Variants in ADGRE1 observed in about 807,000 individuals in gnomAD.
The protein encoded by ADGRE1 is adhesion G protein-coupled receptor E1.
Under a neutral mutation model 102.7 loss-of-function variants are expected in ADGRE1, and 82 were observed. That is an observed-to-expected ratio of 0.80 (90% CI 0.67 to 0.96). The LOEUF (loss-of-function observed/expected upper bound fraction) is 0.96. ADGRE1 is among the 40% of genes least tolerant of loss of function. ADGRE1 has a pLI of 0.00. For missense variants in ADGRE1, 1,032 were observed against 1,085.3 expected, an observed-to-expected ratio of 0.95 and a Z score of 0.69; for synonymous variants, 398 against 399.6, an observed-to-expected ratio of 1.00 and a Z score of 0.05.
intron 11 of ADGRE1, 147 bp downstream of exon 11, chr19:6,913,977 A>C: frequency 2.2e-6 from 2 of 899,844 alleles, no homozygotes; most frequent in Non-Finnish European, 3.3e-6. Context: ...GTCTAATCAT[A>C]TTAACAACAT....
At chr19:6,915,374 AT>A (rs914426908) in intron 11 of ADGRE1, among the ~76,000 whole-genome samples, 4 of 152,128 alleles carry the variant, frequency 2.6e-5, no homozygotes, top group African/African-American at 9.7e-5. Flanking sequence ...TCTGGCTTAT[AT>A]TTTACAAGGA....
At chr19:6,939,197 AT>A (rs1290263866) in intron 20 of ADGRE1, among the ~76,000 whole-genome samples, 4 of 152,216 alleles carry the variant, frequency 2.6e-5, no homozygotes, top group Non-Finnish European at 5.9e-5. Context: ...TGCCCATATC[AT>A]GGATGACATA....
chr19:6,904,183 GTAA>G lies in ADGRE1; in HGVS notation c.949+6_949+8del, dbSNP rs768676604. 6.2e-7 allele frequency: 1 copy of G among 1,613,666 alleles called. No homozygotes were observed. Among genetic ancestry groups the G allele is most frequent in the South Asian group, 1.1e-5 (1 of 91,060 alleles). Reference sequence around the variant, plus strand: ...AAAGATGGCAACTTCAGCTGCCAAAGTAATAATCTCTTTGTATGTCTTGGCAAT... The same window carrying G: ...AAAGATGGCAACTTCAGCTGCCAAAGTAATCTCTTTGTATGTCTTGGCAAT... On this transcript the variant is annotated splice_donor_variant and splice_donor_region_variant and intron_variant, in intron 8 of 20. Transcript: ENST00000312053. LOFTEE classifies it high-confidence loss of function.
At chr19:6,916,087 T>A (rs1974369305) in intron 11 of ADGRE1, among the ~76,000 whole-genome samples, 162 bp from the exon 12 acceptor site, 2 of 152,156 alleles carry the variant, frequency 1.3e-5, no homozygotes, top group Admixed American at 1.3e-4. Context: ...ATGGTCCCCC[T>A]ATCATTCATC....
intron 12 of ADGRE1, among the ~76,000 whole-genome samples, chr19:6,917,668 A>T (rs1015051442): frequency 7.0e-6 from 1 of 142,688 alleles, no homozygotes; most frequent in Non-Finnish European, 1.5e-5. Flanking sequence ...TGAACCTGGG[A>T]GGTGGAGGCT....
intron 15 of ADGRE1, 58 bp from the exon 16 acceptor site, chr19:6,926,308 T>C (rs529538478): frequency 6.3e-7 from 1 of 1,583,124 alleles, no homozygotes; most frequent in South Asian, 1.1e-5. Flanking sequence ...TCTTCCTTTC[T>C]TCCTTTCGAT....
intron 12 of ADGRE1, among the ~76,000 whole-genome samples, chr19:6,918,334 G>A (rs928176860): frequency 3.5e-4 from 53 of 151,364 alleles, no homozygotes; most frequent in African/African-American, 1.1e-3. Flanking sequence ...CCAGCTACTC[G>A]GGAGGCTGAG....
At chr19:6,891,468 T>A (rs1404534151) in intron 2 of ADGRE1, among the ~76,000 whole-genome samples, 1 of 151,962 alleles carries the variant, frequency 6.6e-6, no homozygotes. Context: ...TTTTTTTTTT[T>A]TTTGAGATAG....
intron 10 of ADGRE1, among the ~76,000 whole-genome samples, chr19:6,911,498 T>C (rs1974181431): frequency 6.6e-6 from 1 of 151,602 alleles, no homozygotes; most frequent in South Asian, 2.1e-4. Flanking sequence ...ATTGTTGTTA[T>C]TGTTTTTCTT....
chr19:6,925,942 C>T (rs973957017), intron 15 of ADGRE1, among the ~76,000 whole-genome samples: 1 of 152,078 alleles, frequency 6.6e-6, no homozygotes, highest in African/African-American at 2.4e-5. Flanking sequence ...GAGCGATCTG[C>T]CTGCCTCAGC....
At chr19:6,898,460 C>A in intron 5 of ADGRE1, 2 of 1,592,422 alleles carry the variant, frequency 1.3e-6, no homozygotes, top group Non-Finnish European at 8.6e-7. Context: ...TTCTCCTGTA[C>A]TGGTGATGCC....
intron 11 of ADGRE1, 66 bp from the exon 12 acceptor site, chr19:6,916,183 A>T: frequency 6.4e-7 from 1 of 1,551,572 alleles, no homozygotes; most frequent in Non-Finnish European, 8.7e-7. Flanking sequence ...CTTTTTTTGG[A>T]CAGAAACCAA....
chr19:6,927,875 G>C (rs1195340005), intron 16 of ADGRE1, among the ~76,000 whole-genome samples: 1 of 152,120 alleles, frequency 6.6e-6, no homozygotes, highest in Non-Finnish European at 1.5e-5. Context: ...GTTCTGCATA[G>C]AGGGAAACAG....
intron 20 of ADGRE1, 45 bp from the exon 21 acceptor site, chr19:6,939,979 T>A: frequency 6.2e-7 from 1 of 1,611,204 alleles, no homozygotes; most frequent in Non-Finnish European, 8.5e-7. Flanking sequence ...CACGTTTGTA[T>A]TAATTCTGCT....
chr19:6,933,409 CAG>C (rs1975251284), intron 17 of ADGRE1, among the ~76,000 whole-genome samples: 1 of 130,664 alleles, frequency 7.7e-6, no homozygotes, highest in South Asian at 2.4e-4. Context: ...TTTTTTGAGA[CAG>C]AGTTTCGCTC....
At chr19:6,935,654 A>G (rs1016276934) in intron 18 of ADGRE1, among the ~76,000 whole-genome samples, 2 of 152,304 alleles carry the variant, frequency 1.3e-5, no homozygotes, top group East Asian at 1.9e-4. Flanking sequence ...TGTATAAACA[A>G]TACTGCCTTG....
intron 9 of ADGRE1, among the ~76,000 whole-genome samples, chr19:6,908,163 G>T (rs541004145): frequency 6.6e-6 from 1 of 152,358 alleles, no homozygotes; most frequent in South Asian, 2.1e-4. Flanking sequence ...TGTGCCTTAA[G>T]GACATGCTCC....
At chr19:6,912,869 A>G (rs1284130109) in intron 10 of ADGRE1, among the ~76,000 whole-genome samples, 1 of 152,302 alleles carries the variant, frequency 6.6e-6, no homozygotes, top group East Asian at 1.9e-4. Context: ...GGTATATGCA[A>G]TTTACATGGC....
intron 18 of ADGRE1, among the ~76,000 whole-genome samples, chr19:6,935,279 C>T (rs252552): frequency 0.43 from 65,713 of 151,790 alleles, 16,841 homozygotes; most frequent in East Asian, 0.68. Flanking sequence ...AGGCAAGTTA[C>T]GTAACCTCTC....
Sources: gnomAD v4.1 joint callset for allele counts (sites outside exome capture counted in the v4.1 genomes callset) on GRCh38, gnomAD v4.1.1 for gene constraint, MANE v1.5 for transcripts, NCBI Gene and HGNC (gene_info 2026-07-23, HGNC 2026-07-21) for gene names.